Variants in KCND3 observed in about 807,000 individuals in gnomAD.
The protein encoded by KCND3 is A-type voltage-gated potassium channel KCND3.
KCND3 carries 9 observed loss-of-function variants against 51.1 expected under a neutral mutation model. The observed-to-expected ratio is 0.18, with a 90% CI of 0.11 to 0.31. KCND3 has a LOEUF of 0.31. KCND3 is among the 10% of genes least tolerant of loss of function. KCND3 has a pLI of 1.00. For missense variants in KCND3, 526 were observed against 903.8 expected (o/e 0.58, Z 5.36); for synonymous variants, 349 against 368.0 (o/e 0.95, Z 0.59).
At chr1:111,834,328 C>A (rs1195105698) in intron 2 of KCND3, among the ~76,000 whole-genome samples, 3 of 152,228 alleles carry the variant, frequency 2.0e-5, no homozygotes, top group African/African-American at 7.2e-5. Context: ...CTCATATTTA[C>A]TGCCCTTTCT....
At chr1:111,920,328 C>G (rs1571851532) in intron 2 of KCND3, among the ~76,000 whole-genome samples, 2 of 104,432 alleles carry the variant, frequency 1.9e-5, no homozygotes, top group Admixed American at 1.9e-4. Flanking sequence ...CTCACACATT[C>G]CTTCAGCATC....
At chr1:111,968,428 G>A (rs1051561057) in intron 2 of KCND3, among the ~76,000 whole-genome samples, 1 of 152,152 alleles carries the variant, frequency 6.6e-6, no homozygotes, top group African/African-American at 2.4e-5. Context: ...TGCAAAAATG[G>A]CATGAAAAAG....
chr1:111,897,127 C>A (rs1670156476), intron 2 of KCND3, among the ~76,000 whole-genome samples: 1 of 152,226 alleles, frequency 6.6e-6, no homozygotes, highest in Admixed American at 6.5e-5. Flanking sequence ...CGGACACCAG[C>A]CCCCGCCTTC....
At chr1:111,985,562 ATGTGCCAT>A (rs1675228480) in intron 1 of KCND3, among the ~76,000 whole-genome samples, 1 of 152,172 alleles carries the variant, frequency 6.6e-6, no homozygotes, top group Non-Finnish European at 1.5e-5. Context: ...CTGGTTTTAT[ATGTGCCAT>A]TTTTTTTCCC....
intron 1 of KCND3, among the ~76,000 whole-genome samples, chr1:111,983,777 C>T (rs1033572665): frequency 2.0e-5 from 3 of 152,146 alleles, no homozygotes; most frequent in African/African-American, 4.8e-5. Flanking sequence ...AGAGATTTTT[C>T]CAGAGCCAGG....
intron 2 of KCND3, among the ~76,000 whole-genome samples, chr1:111,881,566 CTA>C (rs1320496965): frequency 1.3e-5 from 2 of 152,216 alleles, no homozygotes; most frequent in Non-Finnish European, 2.9e-5. Context: ...CCTCTTTGTG[CTA>C]TGTCACCTCC....
At position 111,982,252 on chromosome 1, in the gene KCND3, A is replaced by G. The variant is rs1400886941; in HGVS notation, c.475T>C (p.Ser159Pro). 1 of 1,613,996 alleles carries G rather than the reference A, an allele frequency of 6.2e-7. No individual in the cohort carries two copies. The highest frequency in any genetic ancestry group is 1.3e-5 in the African/African-American group (1 of 75,012). The change falls in exon 2 of 8, where the codon TCC becomes CCC. Residue 159 changes from serine (S) to proline (P), a missense_variant. Coordinates refer to ENST00000302127, the MANE Select transcript of KCND3 (RefSeq NM_001378969.1). The surrounding 1 kb of genome is among the most constrained non-coding windows in gnomAD (Gnocchi z 8.5). Reference protein sequence around the residue: ...DDNDSENNQESMPSLSFRQTM... With the variant: ...DDNDSENNQEPMPSLSFRQTM... ...TGGCGGAAGCTGAGCGAGGGCATGG[A>G]CTCCTGGTTGTTCTCCGAGTCGTTG...
At chr1:111,797,732 C>T (rs1430901970) in intron 2 of KCND3, among the ~76,000 whole-genome samples, 1 of 152,130 alleles carries the variant, frequency 6.6e-6, no homozygotes. Flanking sequence ...TGAGAAATTA[C>T]TGGCTGGAGT....
chr1:111,813,329 A>G (rs1331445849), intron 2 of KCND3, among the ~76,000 whole-genome samples: 1 of 152,220 alleles, frequency 6.6e-6, no homozygotes, highest in Admixed American at 6.5e-5. Context: ...TTCCCTTTAG[A>G]AAATTACATA....
intron 2 of KCND3, among the ~76,000 whole-genome samples, chr1:111,827,522 C>T (rs1287020296): frequency 2.0e-5 from 3 of 152,292 alleles, no homozygotes; most frequent in Admixed American, 6.5e-5. Flanking sequence ...CCAATGAGGG[C>T]CAGGAGCAGA....
At chr1:111,906,447 T>C (rs1571831784) in intron 2 of KCND3, among the ~76,000 whole-genome samples, 1 of 152,370 alleles carries the variant, frequency 6.6e-6, no homozygotes, top group East Asian at 1.9e-4. Context: ...TCTGACCTCC[T>C]GCCATTTCGT....
rs564816972 is a variant in KCND3, at chr1:111,787,016, G to A, written c.1197C>T (p.Val399=). The change falls in exon 3 of 8, where the codon GTC becomes GTT. Residue 399 remains valine (V), a synonymous_variant. Coordinates refer to ENST00000302127, the MANE Select transcript of KCND3 (RefSeq NM_001378969.1). ...LSGVLVIALP[V]PVIVSNFSRI... is the part of the protein sequence containing the mutation. Reference sequence around the variant, plus strand: ...GGCTAAAGTTGGAAACAATCACAGGGACTGGCAGGGCAATGACCAGGACGC... The same window carrying A: ...GGCTAAAGTTGGAAACAATCACAGGAACTGGCAGGGCAATGACCAGGACGC... 2.5e-6 allele frequency: 4 copies of A among 1,614,154 alleles called. No individual in the cohort carries two copies. In the Admixed American group the frequency reaches 5.0e-5, roughly 20 times the overall value.
chr1:111,883,808 G>C (rs964217164), intron 2 of KCND3, among the ~76,000 whole-genome samples: 10 of 152,204 alleles, frequency 6.6e-5, no homozygotes, highest in Non-Finnish European at 1.3e-4. Context: ...TAGGATATGA[G>C]AGTACTCAAT....
At chr1:111,824,541 G>A (rs972076576) in intron 2 of KCND3, among the ~76,000 whole-genome samples, 7 of 152,210 alleles carry the variant, frequency 4.6e-5, no homozygotes, top group African/African-American at 1.7e-4. Flanking sequence ...AAGGGTTAAA[G>A]AGGTGTTGAA....
At chr1:111,878,652 C>A (rs1669167343) in intron 2 of KCND3, among the ~76,000 whole-genome samples, 1 of 152,232 alleles carries the variant, frequency 6.6e-6, no homozygotes. Flanking sequence ...AAAGGGCGAC[C>A]TCATTAGTGG....
chr1:111,858,408 G>A (rs1571751453), intron 2 of KCND3, among the ~76,000 whole-genome samples: 1 of 152,146 alleles, frequency 6.6e-6, no homozygotes, highest in East Asian at 1.9e-4. Context: ...TTGACATCAT[G>A]GTTTTGGGGG....
At chr1:111,946,571 C>T (rs1672789616) in intron 2 of KCND3, among the ~76,000 whole-genome samples, 1 of 152,212 alleles carries the variant, frequency 6.6e-6, no homozygotes, top group African/African-American at 2.4e-5. Context: ...TCCCAAGTCT[C>T]CAGACCCCCC....
At chr1:111,803,396 C>T (rs1016543043) in intron 2 of KCND3, among the ~76,000 whole-genome samples, 16 of 152,180 alleles carry the variant, frequency 1.1e-4, no homozygotes, top group Non-Finnish European at 2.2e-4. Flanking sequence ...CTTAGCTGTT[C>T]CAGCCAGCCT....
intron 2 of KCND3, among the ~76,000 whole-genome samples, chr1:111,969,966 C>T (rs1318260131): frequency 7.2e-5 from 11 of 152,086 alleles, no homozygotes; most frequent in African/African-American, 2.7e-4. Context: ...CTCCTCTTAC[C>T]AGCTTTCTCT....
Sources: gnomAD v4.1 joint callset for allele counts (sites outside exome capture counted in the v4.1 genomes callset) on GRCh38, gnomAD v4.1.1 for gene constraint, Gnocchi (gnomAD v3.1) non-coding constraint, MANE v1.5 for transcripts, NCBI Gene and HGNC (gene_info 2026-07-23, HGNC 2026-07-21) for gene names.